EPS15: variants seen among roughly 807,000 people sequenced by gnomAD.
The protein encoded by EPS15 is epidermal growth factor receptor pathway substrate 15.
A neutral mutation model predicts 113.8 loss-of-function variants in EPS15; 72 were observed. The observed-to-expected ratio is 0.63, with a 90% CI of 0.52 to 0.77. EPS15 has a LOEUF of 0.77. EPS15 is among the 30% of genes least tolerant of loss of function. The probability of loss-of-function intolerance (pLI) is 0.00; values close to 1 mark genes in which losing one functional copy is unlikely to be tolerated. For synonymous variants in EPS15, 344 were observed against 363.4 expected (o/e 0.95, Z 0.61); for missense variants, 1,048 against 1,045.8 (o/e 1.00, Z -0.03).
intron 13 of EPS15, among the ~76,000 whole-genome samples, chr1:51,415,899 C>CTTTAT (rs1199668021): frequency 6.7e-6 from 1 of 148,390 alleles, no homozygotes; most frequent in Non-Finnish European, 1.5e-5. Context: ...TATTAAACTG[C>CTTTAT]ACAAAATCAA....
At chr1:51,405,408 A>G (rs1649002701) in intron 16 of EPS15, among the ~76,000 whole-genome samples, 1 of 152,210 alleles carries the variant, frequency 6.6e-6, no homozygotes, top group South Asian at 2.1e-4. Context: ...CAAAAAATAA[A>G]TTAGCTGGCT....
At chr1:51,370,008 T>C (rs1362074671) in intron 21 of EPS15, among the ~76,000 whole-genome samples, 1 of 152,208 alleles carries the variant, frequency 6.6e-6, no homozygotes, top group Non-Finnish European at 1.5e-5. Context: ...GGGAAACCAA[T>C]TTTAAGGCTC....
intron 1 of EPS15, among the ~76,000 whole-genome samples, chr1:51,493,246 A>T (rs1020373481): frequency 2.0e-5 from 3 of 152,130 alleles, no homozygotes; most frequent in African/African-American, 7.2e-5. Flanking sequence ...CTGTAGTCCC[A>T]GCTACTCGGG....
At chr1:51,491,560 G>A (rs1288562002) in intron 1 of EPS15, among the ~76,000 whole-genome samples, 1 of 152,174 alleles carries the variant, frequency 6.6e-6, no homozygotes, top group African/African-American at 2.4e-5. Flanking sequence ...ACAGAAGAAT[G>A]AAAAATAGTA....
At chr1:51,490,156 G>C (rs1644204748) in intron 1 of EPS15, among the ~76,000 whole-genome samples, 1 of 152,170 alleles carries the variant, frequency 6.6e-6, no homozygotes, top group East Asian at 1.9e-4. Context: ...TCATTTTTAG[G>C]GGAGGGTTAT....
At chr1:51,498,589 T>A (rs1310984970) in intron 1 of EPS15, among the ~76,000 whole-genome samples, 1 of 152,232 alleles carries the variant, frequency 6.6e-6, no homozygotes, top group African/African-American at 2.4e-5. Flanking sequence ...TTTGGTAAGT[T>A]AGGCATGTTG....
intron 1 of EPS15, among the ~76,000 whole-genome samples, chr1:51,518,090 C>CA (rs906836462): frequency 2.4e-4 from 36 of 152,164 alleles, no homozygotes; most frequent in Admixed American, 7.2e-4. Context: ...AAGCACGCGC[C>CA]ACCAGCTCTG....
intron 21 of EPS15, among the ~76,000 whole-genome samples, chr1:51,369,848 T>A (rs1392827833): frequency 6.6e-6 from 1 of 152,178 alleles, no homozygotes; most frequent in Non-Finnish European, 1.5e-5. Context: ...CACAGCTGTA[T>A]CCTCAAGGCC....
intron 1 of EPS15, among the ~76,000 whole-genome samples, chr1:51,492,363 G>A (rs930773930): frequency 6.6e-6 from 1 of 152,010 alleles, no homozygotes; most frequent in Non-Finnish European, 1.5e-5. Context: ...AAAGACCTAG[G>A]AATACTGTAA....
intron 22 of EPS15, among the ~76,000 whole-genome samples, chr1:51,365,020 C>T (rs532190241): frequency 2.0e-5 from 3 of 148,616 alleles, no homozygotes; most frequent in African/African-American, 5.0e-5. Context: ...TTGGTCAAGA[C>T]GAGGTTTCAC....
At chr1:51,383,827 A>C (rs1646995417) in intron 21 of EPS15, among the ~76,000 whole-genome samples, 1 of 152,238 alleles carries the variant, frequency 6.6e-6, no homozygotes, top group Non-Finnish European at 1.5e-5. Context: ...ACATGCTCTT[A>C]TATGTAGAAA....
intron 12 of EPS15, among the ~76,000 whole-genome samples, chr1:51,433,827 A>G (rs1316866040): frequency 6.6e-6 from 1 of 152,250 alleles, no homozygotes; most frequent in Non-Finnish European, 1.5e-5. Flanking sequence ...TCTTGCTAAA[A>G]GGACAGAGAC....
chr1:51,500,504 T>C (rs1644393343), intron 1 of EPS15, among the ~76,000 whole-genome samples: 1 of 152,092 alleles, frequency 6.6e-6, no homozygotes, highest in African/African-American at 2.4e-5. Context: ...TGAAGTGGTA[T>C]TTCATTGTGG....
At chr1:51,447,624 T>A (rs891861499) in intron 9 of EPS15, among the ~76,000 whole-genome samples, 2 of 152,208 alleles carry the variant, frequency 1.3e-5, no homozygotes, top group Middle Eastern at 6.8e-3. Flanking sequence ...AAGAGTTAAC[T>A]AGGTATTAAA....
At chr1:51,487,534 C>T (rs1644147770) in intron 1 of EPS15, among the ~76,000 whole-genome samples, 1 of 152,096 alleles carries the variant, frequency 6.6e-6, no homozygotes, top group South Asian at 2.1e-4. Flanking sequence ...ATATAGTCAT[C>T]TACTTAGTTA....
At chr1:51,514,882 A>C (rs1644686627) in intron 1 of EPS15, among the ~76,000 whole-genome samples, 1 of 152,214 alleles carries the variant, frequency 6.6e-6, no homozygotes, top group South Asian at 2.1e-4. Flanking sequence ...ATAAAGAAAA[A>C]CATCATTAAT....
chr1:51,443,435 T>C (rs575543358), intron 11 of EPS15, among the ~76,000 whole-genome samples: 1 of 152,182 alleles, frequency 6.6e-6, no homozygotes, highest in South Asian at 2.1e-4. Context: ...GTGGCATCAC[T>C]TTCAGCCTTT....
chr1:51,440,518 G>C lies in EPS15; in HGVS notation c.955-86C>G, dbSNP rs1287986106. The stretch of plus-strand genomic sequence containing the variant: ...ACTAAAAATATTAAAGCTCTACGCA[G>C]ATATAAGGTATTGCATATTTTACTG... On this transcript the variant is annotated intron_variant, in intron 11 of 24. Coordinates refer to ENST00000371733, the MANE Select transcript of EPS15 (RefSeq NM_001981.3). The C allele has an allele frequency of 9.7e-6, 5 of 516,326 alleles. No homozygotes were observed. The Admixed American group carries it at 1.6e-4, about 17-fold the overall frequency. The allele number at this position is 516,326 out of a possible 1,614,324, so 32.0% of individuals were successfully genotyped here. A position where few individuals can be genotyped will look rare whatever the true frequency, so the allele number is the denominator to read the frequency against.
intron 21 of EPS15, among the ~76,000 whole-genome samples, chr1:51,387,786 T>C (rs1647128237): frequency 6.6e-6 from 1 of 152,170 alleles, no homozygotes. Context: ...TAAGTATATA[T>C]GCACCCAATA....
Sources: allele counts gnomAD v4.1 joint callset (sites outside exome capture counted in the v4.1 genomes callset), GRCh38; gene constraint gnomAD v4.1.1; transcripts MANE v1.5; gene names NCBI Gene and HGNC (gene_info 2026-07-23, HGNC 2026-07-21).